Variants in PLCXD3 observed in about 807,000 individuals in gnomAD.
PLCXD3 encodes the protein PI-PLC X domain-containing protein 3.
PLCXD3 carries 19 observed loss-of-function variants against 25.5 expected under a neutral mutation model. The ratio of observed to expected loss-of-function variants is 0.75; its 90% confidence interval spans 0.52 to 1.09. PLCXD3 has a LOEUF of 1.09. Among genes scored for constraint, PLCXD3 ranks in the 50% least tolerant of loss-of-function variants. The pLI, the probability that PLCXD3 is intolerant of heterozygous loss-of-function variation, is 0.00. For missense variants in PLCXD3, 411 were observed against 388.1 expected (o/e 1.06, Z -0.50); for synonymous variants, 174 against 137.6 (o/e 1.26, Z -1.85).
At chr5:41,406,430 G>A (rs913230476) in intron 1 of PLCXD3, among the ~76,000 whole-genome samples, 3 of 152,068 alleles carry the variant, frequency 2.0e-5, no homozygotes, top group Admixed American at 6.6e-5. Context: ...ACAGACTTTA[G>A]TATCTTCCCC....
At chr5:41,478,229 A>C (rs2150522021) in intron 1 of PLCXD3, among the ~76,000 whole-genome samples, 1 of 152,306 alleles carries the variant, frequency 6.6e-6, no homozygotes, top group South Asian at 2.1e-4. Flanking sequence ...GCTTGGTCTC[A>C]ATTCCTCAAT....
chr5:41,334,223 T>C (rs944890655), intron 2 of PLCXD3, among the ~76,000 whole-genome samples: 25 of 152,060 alleles, frequency 1.6e-4, no homozygotes, highest in Non-Finnish European at 1.0e-4. Flanking sequence ...TGAGTCTCAA[T>C]TTTCTCCATT....
chr5:41,470,516 G>A (rs1163892695), intron 1 of PLCXD3, among the ~76,000 whole-genome samples: 1 of 152,138 alleles, frequency 6.6e-6, no homozygotes, highest in Non-Finnish European at 1.5e-5. Context: ...ATACAACTGG[G>A]CAGGAATTTT....
chr5:41,478,215 T>C (rs1467741882), intron 1 of PLCXD3, among the ~76,000 whole-genome samples: 1 of 152,212 alleles, frequency 6.6e-6, no homozygotes, highest in Non-Finnish European at 1.5e-5. Flanking sequence ...AGAGTTGATC[T>C]TTAGCTTGGT....
At chr5:41,488,152 C>T (rs1459051262) in intron 1 of PLCXD3, among the ~76,000 whole-genome samples, 2 of 149,852 alleles carry the variant, frequency 1.3e-5, no homozygotes, top group African/African-American at 4.9e-5. Context: ...TCAATTCCCA[C>T]CTATGAGTGA....
intron 1 of PLCXD3, among the ~76,000 whole-genome samples, chr5:41,403,593 C>A (rs1269279204): frequency 1.2e-5 from 1 of 84,658 alleles, no homozygotes; most frequent in African/African-American, 4.6e-5. Flanking sequence ...TGTGATATTC[C>A]CCTTCCTGTG....
chr5:41,496,164 G>C lies in PLCXD3; in HGVS notation c.103+14260C>G, dbSNP rs189918756. On this transcript the variant is annotated intron_variant, in intron 1 of 2. Transcript: ENST00000377801. ...AGGATAGATCATTCGAAATTATCCA[G>C]TCAGAGGAACAAAAAGAAAAAAGAA... 7.9e-5 allele frequency among the ~76,000 whole-genome samples: 12 copies of C among 152,088 alleles called. No individual in the cohort carries two copies. The East Asian group carries it at 2.1e-3, about 27-fold the overall frequency.
chr5:41,434,827 G>A (rs570693994), intron 1 of PLCXD3, among the ~76,000 whole-genome samples: 3 of 152,148 alleles, frequency 2.0e-5, no homozygotes, highest in African/African-American at 7.2e-5. Flanking sequence ...TTTTCACAGG[G>A]CTGCTATGCT....
chr5:41,510,053 A>T (rs1055763276), intron 1 of PLCXD3, among the ~76,000 whole-genome samples: 1 of 152,072 alleles, frequency 6.6e-6, no homozygotes. Context: ...TTCTTCACAC[A>T]CGGTCACCCC....
At chr5:41,496,627 C>CAAAA (rs71608608) in intron 1 of PLCXD3, among the ~76,000 whole-genome samples, 1 of 114,734 alleles carries the variant, frequency 8.7e-6, no homozygotes, top group Admixed American at 9.2e-5. Flanking sequence ...TTTCCCAGAC[C>CAAAA]AAAAAAAAAA....
chr5:41,390,675 C>T (rs1163470462), intron 1 of PLCXD3, among the ~76,000 whole-genome samples: 1 of 152,206 alleles, frequency 6.6e-6, no homozygotes, highest in Non-Finnish European at 1.5e-5. Context: ...CTCCACCAAT[C>T]GTCCTCCGTG....
chr5:41,456,661 G>T (rs983549153), intron 1 of PLCXD3: 6 of 317,528 alleles, frequency 1.9e-5, no homozygotes, highest in Non-Finnish European at 2.3e-5. Flanking sequence ...TTTGGAAGAT[G>T]ATTAGGTCCT....
At chr5:41,404,605 A>G (rs1204205935) in intron 1 of PLCXD3, among the ~76,000 whole-genome samples, 1 of 152,162 alleles carries the variant, frequency 6.6e-6, no homozygotes, top group Non-Finnish European at 1.5e-5. Flanking sequence ...TATTGCTTTG[A>G]GCAGTGTCTA....
chr5:41,421,481 C>T (rs779185425), intron 1 of PLCXD3, among the ~76,000 whole-genome samples: 13 of 151,828 alleles, frequency 8.6e-5, no homozygotes, highest in Non-Finnish European at 1.8e-4. Flanking sequence ...GCGGGCTGAT[C>T]ACAAGGTCAG....
intron 2 of PLCXD3, among the ~76,000 whole-genome samples, chr5:41,343,898 G>A (rs1744227977): frequency 6.6e-6 from 1 of 152,040 alleles, no homozygotes; most frequent in Non-Finnish European, 1.5e-5. Context: ...TGGATGATTT[G>A]TTTGTCTGAT....
At chr5:41,477,594 A>G (rs1009762419) in intron 1 of PLCXD3, among the ~76,000 whole-genome samples, 1 of 152,072 alleles carries the variant, frequency 6.6e-6, no homozygotes, top group Non-Finnish European at 1.5e-5. Context: ...TGTCCCTCCC[A>G]TGATTCTAAT....
At chr5:41,483,373 T>C (rs1748453853) in intron 1 of PLCXD3, among the ~76,000 whole-genome samples, 1 of 152,138 alleles carries the variant, frequency 6.6e-6, no homozygotes, top group African/African-American at 2.4e-5. Context: ...ATGACCTAAG[T>C]TCAAGTTCTG....
chr5:41,382,050 A>G lies in PLCXD3; in HGVS notation c.588T>C (p.His196=). Residue 196 remains histidine (H), a synonymous_variant, in exon 2 of 3, where the codon CAT becomes CAC. Transcript: ENST00000377801. The stretch of plus-strand genomic sequence containing the variant: ...AGGGCACTTCCAGAGCCACTGGACT[A>G]TGGTAGAAGACCAGCACTTGATAGT... The part of the protein sequence containing the change: ...EKDYQVLVFY[H]SPVALEVPFL... 8 of 1,613,642 alleles carry G rather than the reference A, an allele frequency of 5.0e-6. No homozygotes were observed. Among genetic ancestry groups the G allele is most frequent in the Non-Finnish European group, 6.8e-6 (8 of 1,179,740 alleles).
At chr5:41,378,310 C>T (rs1395325068) in intron 2 of PLCXD3, among the ~76,000 whole-genome samples, 1 of 151,990 alleles carries the variant, frequency 6.6e-6, no homozygotes, top group South Asian at 2.1e-4. Flanking sequence ...TACAGCTTTG[C>T]AAATGGTTAA....
Sources: allele counts gnomAD v4.1 joint callset (sites outside exome capture counted in the v4.1 genomes callset), GRCh38; gene constraint gnomAD v4.1.1; transcripts MANE v1.5; gene names NCBI Gene and HGNC (gene_info 2026-07-23, HGNC 2026-07-21).